The following SLC43A2 variants were observed in gnomAD, a reference collection of about 807,000 sequenced individuals.
SLC43A2 encodes solute carrier family 43 member 2.
SLC43A2 carries 38 observed loss-of-function variants against 63.2 expected under a neutral mutation model. The ratio of observed to expected loss-of-function variants is 0.60; its 90% CI spans 0.46 to 0.79. The LOEUF (loss-of-function observed/expected upper bound fraction) is 0.79. SLC43A2 is among the 30% of genes least tolerant of loss of function. The probability of loss-of-function intolerance (pLI) is 0.00; values close to 1 mark genes in which losing one functional copy is unlikely to be tolerated. For synonymous variants in SLC43A2, 322 were observed against 331.0 expected, an observed-to-expected ratio of 0.97 and a Z score of 0.30; for missense variants, 644 against 756.2, an observed-to-expected ratio of 0.85 and a Z score of 1.74.
In SLC43A2 at chr17:1,585,980, T is replaced by C. The variant is rs549319971; in HGVS notation, c.1150A>G (p.Ile384Val). 9.9e-6 allele frequency: 16 copies of C among 1,613,218 alleles called. No individual in the cohort carries two copies. The highest frequency in any genetic ancestry group is 1.4e-5 in the Non-Finnish European group (16 of 1,179,870). Residue 384 changes from isoleucine to valine, a missense_variant, in exon 10 of 14, where the codon ATC (isoleucine) becomes GTC (valine). Ile to Val is a conservative substitution (Grantham distance 29). Around this residue, in one of 3 missense-constraint regions of SLC43A2, gnomAD observed 528 missense variants for 623.6 expected, o/e 0.85. Transcript: ENST00000301335. ...CLLTAPVIGY[I>V]MDWRLKECED... ...CACTCCTTCAGCCTCCAGTCCATGATGTAGCCAATGACGGGGGCCGTCAGC... is the reference window on the plus strand; with the variant it reads ...CACTCCTTCAGCCTCCAGTCCATGACGTAGCCAATGACGGGGGCCGTCAGC...
In SLC43A2 at chr17:1,591,589, C is replaced by A; in HGVS notation, c.705G>T (p.Pro235=). 6.5e-7 allele frequency: 1 copy of A among 1,549,772 alleles called. No individual in the cohort carries two copies. Among genetic ancestry groups the A allele is most frequent in the Non-Finnish European group, 8.7e-7 (1 of 1,147,174 alleles). ...ACGAGTAGTCCATGTCCTCCGGCCC[C>A]GGGAAGGGCTCAAGGGGCCAGTTAA... ...CFFNWPLEPF[P]GPEDMDYSVK... The change falls in exon 7 of 14, where the codon CCG becomes CCT. Residue 235 remains proline (P), a synonymous_variant. Transcript: ENST00000301335.
intron 5 of SLC43A2, among the ~76,000 whole-genome samples, chr17:1,594,949 G>A (rs921837954): frequency 5.3e-5 from 8 of 152,038 alleles, no homozygotes; most frequent in Admixed American, 5.2e-4. Flanking sequence ...TGCAATCCCA[G>A]AGTGCTGCCT....
At chr17:1,614,931 C>A in intron 4 of SLC43A2, 48 bp downstream of exon 4, 1 of 1,593,272 alleles carries the variant, frequency 6.3e-7, no homozygotes, top group Non-Finnish European at 8.6e-7. Context: ...CAGCTCAGGG[C>A]ACTCTCTCCC....
At position 1,600,487 on chromosome 17, in the gene SLC43A2, G is replaced by A. The variant is rs1348190889; in HGVS notation, c.502-7208C>T. Among the ~76,000 whole-genome samples the A allele has an allele frequency of 2.0e-5, 3 of 148,378 alleles. No individual in the cohort carries two copies. In the Admixed American group the frequency reaches 2.0e-4, roughly 10 times the overall value. On this transcript the variant is annotated intron_variant, in intron 5 of 13. Transcript: ENST00000301335. ...TAACATAATTTCAAAGTAGGTCTGT[G>A]CTCTAAGGTGAGCAAAAGAAGAGAC... is the stretch of plus-strand genomic sequence containing the variant.
intron 5 of SLC43A2, among the ~76,000 whole-genome samples, chr17:1,607,548 G>T (rs1906729381): frequency 6.6e-6 from 1 of 152,128 alleles, no homozygotes; most frequent in South Asian, 2.1e-4. Flanking sequence ...CACCCTGGGG[G>T]GAGGCAGAAA....
At position 1,578,011 on chromosome 17, in the gene SLC43A2, C is replaced by T. The variant is rs561934109; in HGVS notation, c.1424+239G>A. On this transcript the variant is annotated intron_variant, in intron 12 of 13. Coordinates refer to ENST00000301335, the MANE Select transcript of SLC43A2 (RefSeq NM_152346.3). This position sits in a 1 kb window ranked among gnomAD's most constrained non-coding sequence, Gnocchi z 6.5. Reference sequence around the variant, plus strand: ...TGACCCTGGCTGGGGGAACTGACTTCGTGTTGAATGCCAAGGCTTGTGAGC... The same window carrying T: ...TGACCCTGGCTGGGGGAACTGACTTTGTGTTGAATGCCAAGGCTTGTGAGC... 4.7e-4 allele frequency among the ~76,000 whole-genome samples: 72 copies of T among 152,348 alleles called. No individual in the cohort carries two copies. The highest frequency in any genetic ancestry group is 8.8e-4 in the Non-Finnish European group (60 of 68,032).
In SLC43A2 at chr17:1,577,100, G is replaced by A. The variant is rs956242212; in HGVS notation, c.1425-380C>T. On this transcript the variant is annotated intron_variant, in intron 12 of 13. Coordinates refer to ENST00000301335, the MANE Select transcript of SLC43A2 (RefSeq NM_152346.3). The surrounding 1 kb of genome is among the most constrained non-coding windows in gnomAD (Gnocchi z 4.9). ...AGGCTGGTCTCAAACTCCTGACCTT[G>A]TGATCTGCCTGCCTCGGCCTCCCAA... is the stretch of plus-strand genomic sequence containing the variant. Among the ~76,000 whole-genome samples the A allele has an allele frequency of 2.0e-5, 3 of 152,072 alleles. No homozygotes were observed. The highest frequency in any genetic ancestry group is 2.9e-5 in the Non-Finnish European group (2 of 68,018).
In SLC43A2 at chr17:1,605,301, A is replaced by G. The variant is rs907222780; in HGVS notation, c.501+7894T>C. ...CTGTGTGACCTTCCCAGAGGGGAAAACAGCAGCTGCAGGCGGCCCCTCCCC... is the reference window on the plus strand; with the variant it reads ...CTGTGTGACCTTCCCAGAGGGGAAAGCAGCAGCTGCAGGCGGCCCCTCCCC... On this transcript the variant is annotated intron_variant, in intron 5 of 13. Transcript: ENST00000301335. This position sits in a 1 kb window ranked among gnomAD's most constrained non-coding sequence, Gnocchi z 4.9. 2.3e-5 allele frequency: 22 copies of G among 937,138 alleles called. No individual in the cohort carries two copies. In the African/African-American group the frequency reaches 3.9e-4, roughly 17 times the overall value. 58.1% of individuals were successfully genotyped at this position (937,138 alleles called of 1,614,324 possible).
chr17:1,615,649 C>G (rs1050413228), intron 3 of SLC43A2, among the ~76,000 whole-genome samples: 26 of 150,170 alleles, frequency 1.7e-4, no homozygotes, highest in Non-Finnish European at 2.7e-4. Flanking sequence ...CGAGACCATC[C>G]TGGCTAACAC....
intron 11 of SLC43A2, among the ~76,000 whole-genome samples, chr17:1,582,858 C>T (rs1003437265): frequency 6.6e-6 from 1 of 152,186 alleles, no homozygotes; most frequent in Non-Finnish European, 1.5e-5. Context: ...GCGGGTGGAT[C>T]GCCTGAGGTC....
intron 5 of SLC43A2, among the ~76,000 whole-genome samples, chr17:1,612,391 C>G (rs1188154672): frequency 6.6e-6 from 1 of 152,196 alleles, no homozygotes; most frequent in African/African-American, 2.4e-5. Context: ...AAACATCTCC[C>G]CCAGGCGACT....
At chr17:1,611,444 G>T (rs1270921512) in intron 5 of SLC43A2, among the ~76,000 whole-genome samples, 1 of 152,004 alleles carries the variant, frequency 6.6e-6, no homozygotes, top group African/African-American at 2.4e-5. Context: ...AGACCAGCCT[G>T]GCCAACATGG....
chr17:1,587,078 A>ATTTCCCACACTGCGTTTCCCACACTGCG (rs1472759371), intron 9 of SLC43A2: 2 of 313,340 alleles, frequency 6.4e-6, no homozygotes, highest in African/African-American at 1.2e-4. Context: ...CACGCACTGC[A>ATTTCCCACACTGCGTTTCCCACACTGCG]TTTCCCACAC....
At position 1,577,803 on chromosome 17, in the gene SLC43A2, G is replaced by A. The variant is rs773284267; in HGVS notation, c.1424+447C>T. Among the ~76,000 whole-genome samples, 10 of 152,342 alleles carry A rather than the reference G, an allele frequency of 6.6e-5. No individual in the cohort carries two copies. Among genetic ancestry groups the A allele is most frequent in the Middle Eastern group, 3.4e-3 (1 of 294 alleles). On this transcript the variant is annotated intron_variant, in intron 12 of 13. Transcript: ENST00000301335. The surrounding 1 kb of genome is among the most constrained non-coding windows in gnomAD (Gnocchi z 4.9). ...AGCTGGGCGCACTGAGGCTCTGGAT[G>A]GGCCCGTCTGGTGTATTCTGGACTC...
intron 2 of SLC43A2, among the ~76,000 whole-genome samples, chr17:1,622,434 G>A (rs566797022): frequency 5.9e-5 from 9 of 152,066 alleles, no homozygotes; most frequent in African/African-American, 9.7e-5. Flanking sequence ...GCGTGGTGGC[G>A]GGCGCCTGCA....
chr17:1,586,237 G>A (rs543171824), intron 9 of SLC43A2, among the ~76,000 whole-genome samples, 186 bp from the exon 10 acceptor site: 19 of 152,276 alleles, frequency 1.2e-4, no homozygotes, highest in African/African-American at 4.3e-4. Context: ...GGAGCACGGG[G>A]CAGGTCACCT....
chr17:1,604,186 ATGTGC>A (rs1567634664), intron 5 of SLC43A2, among the ~76,000 whole-genome samples: 4 of 151,942 alleles, frequency 2.6e-5, no homozygotes, highest in African/African-American at 9.7e-5. Context: ...GATTACAGGC[ATGTGC>A]CACTACGCCA....
intron 5 of SLC43A2, among the ~76,000 whole-genome samples, chr17:1,596,969 C>A (rs946399812): frequency 6.6e-5 from 10 of 152,220 alleles, no homozygotes; most frequent in African/African-American, 2.4e-4. Flanking sequence ...GTCATCCCAG[C>A]ACTTTGGGAG....
intron 3 of SLC43A2, among the ~76,000 whole-genome samples, chr17:1,615,767 C>T (rs1031989755): frequency 1.2e-4 from 18 of 147,486 alleles, no homozygotes; most frequent in South Asian, 6.5e-4. Context: ...AGCGTGAACC[C>T]GGGAGGCGGA....
Sources: gnomAD v4.1 joint callset for allele counts (sites outside exome capture counted in the v4.1 genomes callset) on GRCh38, gnomAD v4.1.1 for gene constraint, gnomAD v4.1.1 regional missense constraint, Gnocchi (gnomAD v3.1) non-coding constraint, MANE v1.5 for transcripts, NCBI Gene and HGNC (gene_info 2026-07-23, HGNC 2026-07-21) for gene names.